Variants in LMBR1 observed in about 807,000 individuals in gnomAD.
LMBR1 encodes limb region 1 protein homolog.
In LMBR1, 52 loss-of-function variants were observed where a neutral mutation model predicts 73.9. The ratio of observed to expected loss-of-function variants is 0.70; its 90% CI spans 0.56 to 0.89. The LOEUF (loss-of-function observed/expected upper bound fraction) is 0.89, where lower values mean the gene tolerates loss of function less well. Among genes scored for constraint, LMBR1 ranks in the 40% least tolerant of loss-of-function variants. LMBR1 has a pLI of 0.00. For missense variants in LMBR1, 539 were observed against 579.8 expected (o/e 0.93, Z 0.72); for synonymous variants, 215 against 209.4 (o/e 1.03, Z -0.23).
chr7:156,848,553 G>C (rs1795813871), intron 1 of LMBR1, among the ~76,000 whole-genome samples: 1 of 152,170 alleles, frequency 6.6e-6, no homozygotes, highest in Non-Finnish European at 1.5e-5. Flanking sequence ...GCAGAGAAAA[G>C]GGAATGCTTA....
chr7:156,685,446 G>C lies in LMBR1; in HGVS notation c.1388-1283C>G, dbSNP rs530482261. Among the ~76,000 whole-genome samples, 1 of 152,356 alleles carries C rather than the reference G, an allele frequency of 6.6e-6. No individual in the cohort carries two copies. The highest frequency in any genetic ancestry group is 1.9e-4 in the East Asian group (1 of 5,190). On this transcript the variant is annotated intron_variant, in intron 16 of 16. Coordinates refer to ENST00000353442, the MANE Select transcript of LMBR1 (RefSeq NM_022458.4). The surrounding 1 kb of genome is among the most constrained non-coding windows in gnomAD (Gnocchi z 4.1). ...CATAGAGTGTATCTATACACCCAGA[G>C]GGCACAGCCATGCCATCCCTAGGCT...
intron 4 of LMBR1, 115 bp downstream of exon 4, chr7:156,826,490 T>C: frequency 1.6e-6 from 1 of 639,594 alleles, no homozygotes; most frequent in East Asian, 3.1e-5. Flanking sequence ...ACCCAAATCG[T>C]TTACTGGAGG....
At position 156,892,965 on chromosome 7, in the gene LMBR1, C is replaced by G; in HGVS notation, c.29G>C (p.Arg10Pro). Residue 10 changes from arginine (R) to proline (P), a missense_variant, in exon 1 of 17, where the codon CGG becomes CCG. By Grantham distance (103) the Arg-to-Pro change is moderately radical. Coordinates refer to ENST00000353442, the MANE Select transcript of LMBR1 (RefSeq NM_022458.4). ...CACTTGGCTGTGGAAGTGCTGCTCC[C>G]GCGCCGACACCTCGTCCTGCCCTTC... MEGQDEVSA[R>P]EQHFHSQVRE... The G allele has an allele frequency of 2.6e-6, 4 of 1,543,532 alleles. No individual in the cohort carries two copies. The highest frequency in any genetic ancestry group is 3.5e-6 in the Non-Finnish European group (4 of 1,152,286).
intron 15 of LMBR1, among the ~76,000 whole-genome samples, chr7:156,722,887 T>C (rs1397855512): frequency 2.6e-5 from 4 of 152,118 alleles, no homozygotes; most frequent in Admixed American, 6.6e-5. Context: ...TCTTAAATAA[T>C]AGTACAGTGA....
At chr7:156,868,568 C>T (rs1249436540) in intron 1 of LMBR1, among the ~76,000 whole-genome samples, 3 of 151,766 alleles carry the variant, frequency 2.0e-5, no homozygotes, top group African/African-American at 7.3e-5. Flanking sequence ...AATGCTGAGT[C>T]AGGAGAATTG....
At chr7:156,694,193 C>T (rs1807811522) in intron 15 of LMBR1, among the ~76,000 whole-genome samples, 1 of 152,050 alleles carries the variant, frequency 6.6e-6, no homozygotes, top group South Asian at 2.1e-4. Flanking sequence ...CAGAATCTCA[C>T]TCTGTCACCC....
rs372426571 is a variant in LMBR1, at chr7:156,688,011, C to T, written c.1387+19G>A. On this transcript the variant is annotated intron_variant, in intron 16 of 16. Coordinates refer to ENST00000353442, the MANE Select transcript of LMBR1 (RefSeq NM_022458.4). ...ATTTAGTAGAAAGAGGAAAAAATACCCATAAACCTCAGGATTACCTAGGGC... is the reference window on the plus strand; with the variant it reads ...ATTTAGTAGAAAGAGGAAAAAATACTCATAAACCTCAGGATTACCTAGGGC... 2.5e-5 allele frequency: 38 copies of T among 1,543,238 alleles called. No individual in the cohort carries two copies. The highest frequency in any genetic ancestry group is 3.2e-5 in the Non-Finnish European group (37 of 1,150,462).
chr7:156,686,797 G>A (rs1313274554), intron 16 of LMBR1, among the ~76,000 whole-genome samples: 2 of 152,190 alleles, frequency 1.3e-5, no homozygotes, highest in African/African-American at 4.8e-5. Flanking sequence ...TGAAACCATG[G>A]CTAACTAATC....
At chr7:156,866,259 T>C (rs1258854610) in intron 1 of LMBR1, among the ~76,000 whole-genome samples, 1 of 152,000 alleles carries the variant, frequency 6.6e-6, no homozygotes, top group African/African-American at 2.4e-5. Flanking sequence ...TATTTGGGAG[T>C]GACAGGCGAT....
At chr7:156,826,222 C>T (rs985257152) in intron 4 of LMBR1, among the ~76,000 whole-genome samples, 1 of 152,180 alleles carries the variant, frequency 6.6e-6, no homozygotes, top group Non-Finnish European at 1.5e-5. Context: ...TCAGGTGATC[C>T]ACCCACCTCG....
At chr7:156,808,896 T>C (rs1324132304) in intron 4 of LMBR1, among the ~76,000 whole-genome samples, 6 of 152,332 alleles carry the variant, frequency 3.9e-5, no homozygotes, top group Non-Finnish European at 7.4e-5. Context: ...AAGATAACAC[T>C]TCACGTAGAG....
intron 1 of LMBR1, among the ~76,000 whole-genome samples, chr7:156,880,137 G>A (rs1367916076): frequency 2.0e-5 from 3 of 152,170 alleles, no homozygotes; most frequent in Non-Finnish European, 4.4e-5. Flanking sequence ...AGAAACTGTG[G>A]TATATGTAAC....
chr7:156,802,246 G>A (rs1831139041), intron 4 of LMBR1, among the ~76,000 whole-genome samples: 1 of 152,220 alleles, frequency 6.6e-6, no homozygotes, highest in African/African-American at 2.4e-5. Flanking sequence ...GCCTTCCAAA[G>A]TGCTGGGATT....
Position 156,833,730 on chromosome 7 carries a change from C to A in LMBR1, c.179+23G>T. 2.5e-6 allele frequency: 4 copies of A among 1,572,496 alleles called. No individual in the cohort carries two copies. In the South Asian group the frequency reaches 4.7e-5, roughly 18 times the overall value. On this transcript the variant is annotated intron_variant, in intron 3 of 16. Transcript: ENST00000353442. Reference sequence around the variant, plus strand: ...GATGACTTCAGAATCAGAAACAGAACAACTGAACTTTAAAATACATACGAA... The same window carrying A: ...GATGACTTCAGAATCAGAAACAGAAAAACTGAACTTTAAAATACATACGAA...
chr7:156,734,597 C>T (rs1817505126), intron 9 of LMBR1, among the ~76,000 whole-genome samples: 1 of 152,162 alleles, frequency 6.6e-6, no homozygotes, highest in South Asian at 2.1e-4. Context: ...CACCACTATA[C>T]ATCCATGTAA....
chr7:156,851,025 G>A (rs868563145), intron 1 of LMBR1, among the ~76,000 whole-genome samples: 18 of 151,738 alleles, frequency 1.2e-4, no homozygotes, highest in African/African-American at 3.9e-4. Flanking sequence ...GCTCCCTCTC[G>A]CCATATGACA....
At chr7:156,870,660 G>C (rs1455135442) in intron 1 of LMBR1, among the ~76,000 whole-genome samples, 1 of 151,864 alleles carries the variant, frequency 6.6e-6, no homozygotes, top group Non-Finnish European at 1.5e-5. Flanking sequence ...AGCTACTCGG[G>C]AGGCTGAGGC....
intron 4 of LMBR1, among the ~76,000 whole-genome samples, chr7:156,797,240 A>G (rs752978595): frequency 6.6e-6 from 1 of 152,246 alleles, no homozygotes; most frequent in African/African-American, 2.4e-5. Context: ...AAATAAGAAC[A>G]GATTTAGCAA....
intron 1 of LMBR1, among the ~76,000 whole-genome samples, chr7:156,857,575 G>A (rs954100804): frequency 1.3e-5 from 2 of 152,212 alleles, no homozygotes; most frequent in Non-Finnish European, 2.9e-5. Context: ...AGGGTACATA[G>A]TTGAACTGAA....
Sources: gnomAD v4.1 joint callset for allele counts (sites outside exome capture counted in the v4.1 genomes callset) on GRCh38, gnomAD v4.1.1 for gene constraint, Gnocchi (gnomAD v3.1) non-coding constraint, MANE v1.5 for transcripts, NCBI Gene and HGNC (gene_info 2026-07-23, HGNC 2026-07-21) for gene names.